Variants in PCSK5 observed in about 807,000 individuals in gnomAD.
PCSK5 encodes proprotein convertase subtilisin/kexin type 5.
Under a neutral mutation model 233.2 loss-of-function variants are expected in PCSK5, and 129 were observed. The ratio of observed to expected loss-of-function variants is 0.55; its 90% CI spans 0.48 to 0.64. The LOEUF is 0.64. PCSK5 is among the 30% of genes least tolerant of loss of function. The probability of loss-of-function intolerance (pLI) is 0.00; values close to 1 mark genes in which losing one functional copy is unlikely to be tolerated. For synonymous variants in PCSK5, 825 were observed against 879.2 expected (o/e 0.94, Z 1.09); for missense variants, 2,076 against 2,430.1 (o/e 0.85, Z 3.06).
chr9:76,093,980 C>T (rs1035149865), intron 7 of PCSK5, among the ~76,000 whole-genome samples: 1 of 151,774 alleles, frequency 6.6e-6, no homozygotes, highest in African/African-American at 2.4e-5. Flanking sequence ...GTACCTTTCT[C>T]TCTATTTCAT....
chr9:76,214,154 T>C (rs980516890), intron 20 of PCSK5, among the ~76,000 whole-genome samples: 3 of 152,146 alleles, frequency 2.0e-5, no homozygotes, highest in Non-Finnish European at 4.4e-5. Flanking sequence ...GTGAGCTGAT[T>C]CTATCCCACA....
chr9:76,341,033 G>A (rs1303220598), intron 35 of PCSK5, among the ~76,000 whole-genome samples: 2 of 149,770 alleles, frequency 1.3e-5, no homozygotes, highest in Non-Finnish European at 3.0e-5. Context: ...TGGGCAACTT[G>A]GCGAAATCCT....
At chr9:76,187,677 T>A (rs1047797646) in intron 17 of PCSK5, among the ~76,000 whole-genome samples, 7 of 152,126 alleles carry the variant, frequency 4.6e-5, no homozygotes, top group African/African-American at 1.2e-4. Context: ...ATAGTAAAAA[T>A]TTTTTATTTG....
At chr9:76,046,030 C>T (rs147879214) in intron 5 of PCSK5, among the ~76,000 whole-genome samples, 2 of 152,072 alleles carry the variant, frequency 1.3e-5, no homozygotes, top group South Asian at 4.1e-4. Flanking sequence ...TAAATAAATG[C>T]TTTAGCATAC....
At chr9:76,019,282 A>T (rs1828080728) in intron 3 of PCSK5, among the ~76,000 whole-genome samples, 1 of 151,836 alleles carries the variant, frequency 6.6e-6, no homozygotes. Context: ...AACTTCCAAC[A>T]ACTCCTGAAC....
rs117742544 is a variant in PCSK5 at position 76,295,860 on chromosome 9, G to C, written c.3322+449G>C. ...CTGATGGAAATGGATAGTTAGGAAAGAAATACAGTGTGACTCTTCCAGCTG... is the reference window on the plus strand; with the variant it reads ...CTGATGGAAATGGATAGTTAGGAAACAAATACAGTGTGACTCTTCCAGCTG... On this transcript the variant is annotated intron_variant, in intron 26 of 37. Coordinates refer to ENST00000674117, the MANE Select transcript of PCSK5 (RefSeq NM_001372043.1). 9.3e-3 allele frequency among the ~76,000 whole-genome samples: 1,420 copies of C among 152,322 alleles called. 15 individuals carry two copies. Among genetic ancestry groups the C allele is most frequent in the Non-Finnish European group, 0.014 (934 of 68,030 alleles).
At chr9:76,046,461 C>T (rs1438657692) in intron 5 of PCSK5, among the ~76,000 whole-genome samples, 2 of 150,372 alleles carry the variant, frequency 1.3e-5, no homozygotes, top group Non-Finnish European at 3.0e-5. Context: ...CAGGCGTGAG[C>T]CACCGCGCCC....
chr9:75,933,061 G>C (rs751002311), intron 2 of PCSK5, among the ~76,000 whole-genome samples: 1 of 152,074 alleles, frequency 6.6e-6, no homozygotes, highest in Non-Finnish European at 1.5e-5. Flanking sequence ...AAGTCCTTTT[G>C]GGTTTTCCAG....
intron 5 of PCSK5, among the ~76,000 whole-genome samples, chr9:76,046,539 CT>C (rs34569367): frequency 0.47 from 61,989 of 131,590 alleles, 14,969 homozygotes; most frequent in African/African-American, 0.58. Context: ...AACTCTAGTT[CT>C]TTTTTTTTCT....
At chr9:76,215,835 A>G (rs1825507004) in intron 20 of PCSK5, among the ~76,000 whole-genome samples, 1 of 152,172 alleles carries the variant, frequency 6.6e-6, no homozygotes, top group South Asian at 2.1e-4. Flanking sequence ...AGCTACTCAG[A>G]GGCTGAGGCA....
chr9:76,041,808 C>T (rs1829130919), intron 5 of PCSK5, among the ~76,000 whole-genome samples: 2 of 147,758 alleles, frequency 1.4e-5, no homozygotes, highest in Non-Finnish European at 3.0e-5. Flanking sequence ...CATTACACCC[C>T]AGTCTGGGTG....
chr9:75,986,037 A>G (rs1205422757), intron 2 of PCSK5, 95 bp from the exon 3 acceptor site: 11 of 730,450 alleles, frequency 1.5e-5, no homozygotes, highest in Non-Finnish European at 1.9e-5. Context: ...TGACTTAAAT[A>G]GCCTTGACTT....
intron 2 of PCSK5, among the ~76,000 whole-genome samples, chr9:75,956,633 A>G (rs1293011312): frequency 2.0e-5 from 3 of 152,234 alleles, no homozygotes; most frequent in Non-Finnish European, 4.4e-5. Flanking sequence ...ATTTATAGAT[A>G]TAAGATTTAA....
chr9:76,196,401 A>AAAAT (rs1338537140), intron 20 of PCSK5, among the ~76,000 whole-genome samples: 1 of 152,242 alleles, frequency 6.6e-6, no homozygotes, highest in Admixed American at 6.5e-5. Flanking sequence ...ATTTTTGTCT[A>AAAAT]AAATAAATCT....
chr9:76,181,476 G>T lies in PCSK5; in HGVS notation c.2082G>T (p.Glu694Asp). 6.2e-7 allele frequency: 1 copy of T among 1,614,086 alleles called. No individual in the cohort carries two copies. Among genetic ancestry groups the T allele is most frequent in the Non-Finnish European group, 8.5e-7 (1 of 1,179,978 alleles). ...GCAGGAAGTGTGCCCCCAACTGTGA[G>T]TCCTGCTTTGGGAGCCATGGTGACC... ...KRCRKCAPNC[E>D]SCFGSHGDQC... is the part of the protein sequence containing the mutation. The change falls in exon 16 of 38, where the codon GAG becomes GAT. Residue 694 changes from glutamate (E) to aspartate (D), a missense_variant. Physicochemically the swap from Glu to Asp is conservative, Grantham distance 45 (BLOSUM62 2). This residue lies in a region of PCSK5 where 1,510 missense variants were observed against 1,538.1 expected (regional missense o/e 0.98). Transcript: ENST00000674117.
intron 24 of PCSK5, among the ~76,000 whole-genome samples, chr9:76,247,656 T>C (rs1826659105): frequency 6.6e-6 from 1 of 152,172 alleles, no homozygotes; most frequent in African/African-American, 2.4e-5. Context: ...ATAAAATGTA[T>C]GAGTGTATTT....
At chr9:76,107,410 TACCC>T in intron 9 of PCSK5, 59 bp downstream of exon 9, 1 of 1,107,522 alleles carries the variant, frequency 9.0e-7, no homozygotes, top group Non-Finnish European at 1.3e-6. Context: ...AGGGAAAACG[TACCC>T]CTTCCCTTGT....
chr9:75,969,920 C>G (rs1455048704), intron 2 of PCSK5, among the ~76,000 whole-genome samples: 1 of 148,856 alleles, frequency 6.7e-6, no homozygotes, highest in African/African-American at 2.5e-5. Flanking sequence ...GTCACTCAGG[C>G]TGGAGTTCAG....
At chr9:75,939,908 T>G (rs2131298757) in intron 2 of PCSK5, among the ~76,000 whole-genome samples, 1 of 152,318 alleles carries the variant, frequency 6.6e-6, no homozygotes, top group South Asian at 2.1e-4. Context: ...ATCTCCCATC[T>G]TGTCGCTCCC....
Sources: gnomAD v4.1 joint callset for allele counts (sites outside exome capture counted in the v4.1 genomes callset) on GRCh38, gnomAD v4.1.1 for gene constraint, gnomAD v4.1.1 regional missense constraint, MANE v1.5 for transcripts, NCBI Gene and HGNC (gene_info 2026-07-23, HGNC 2026-07-21) for gene names.